The following KRT19 variants were observed in gnomAD, a reference collection of about 807,000 sequenced individuals.
The protein encoded by KRT19 is keratin 19, also known as keratin, type I cytoskeletal 19.
In KRT19, 21 loss-of-function variants were observed where a neutral mutation model predicts 34.6. That is an observed-to-expected ratio of 0.61 (90% CI 0.43 to 0.87). The LOEUF (loss-of-function observed/expected upper bound fraction) is 0.87. Among genes scored for constraint, KRT19 ranks in the 40% least tolerant of loss-of-function variants. The pLI is 0.00. For synonymous variants in KRT19, 240 were observed against 245.8 expected, an observed-to-expected ratio of 0.98 and a Z score of 0.22; for missense variants, 514 against 545.7, an observed-to-expected ratio of 0.94 and a Z score of 0.58.
chr17:41,524,310 C>T (rs373024107), intron 4 of KRT19, 42 bp from the exon 5 acceptor site: 1 of 1,611,636 alleles, frequency 6.2e-7, no homozygotes, highest in Non-Finnish European at 8.5e-7. Flanking sequence ...TTGAGTCAGA[C>T]CTTCGCGTAG....
At position 41,527,834 on chromosome 17, in the gene KRT19, C is replaced by T. The variant is rs1462592682; in HGVS notation, c.414G>A (p.Arg138=). 1.3e-6 allele frequency: 2 copies of T among 1,583,210 alleles called. No homozygotes were observed. The highest frequency in any genetic ancestry group is 1.7e-6 in the Non-Finnish European group (2 of 1,161,918). Residue 138 remains arginine (R), a synonymous_variant, in exon 1 of 6, where the codon CGG becomes CGA. Coordinates refer to ENST00000361566, the MANE Select transcript of KRT19 (RefSeq NM_002276.5). ...CGGCCGGGCCTCCGCCCACCTTGTC[C>T]CGCAGGTCCTGGATGGTCGTGTAGT... ...SHYYTTIQDL[R]DKILGATIEN...
rs1288758491 is a variant in KRT19 at position 41,523,733 on chromosome 17, G to T, written c.*10C>A. 1 of 1,613,020 alleles carries T rather than the reference G, an allele frequency of 6.2e-7. No homozygotes were observed. The highest frequency in any genetic ancestry group is 1.7e-5 in the Admixed American group (1 of 60,010). ...TCCAAAGGACAGCAGAAGCCCCAGAGCCTGCTGCCTCAGAGGACCTTGGAG... is the reference window on the plus strand; with the variant it reads ...TCCAAAGGACAGCAGAAGCCCCAGATCCTGCTGCCTCAGAGGACCTTGGAG... On this transcript the variant is annotated 3_prime_UTR_variant, in exon 6 of 6. Coordinates refer to ENST00000361566, the MANE Select transcript of KRT19 (RefSeq NM_002276.5).
At chr17:41,527,401 G>C (rs1279410695) in intron 1 of KRT19, among the ~76,000 whole-genome samples, 5 of 152,364 alleles carry the variant, frequency 3.3e-5, no homozygotes, top group Non-Finnish European at 5.9e-5. Context: ...GAGGGGGCAA[G>C]ACTGGCCCCG....
At chr17:41,524,606 T>C in intron 3 of KRT19, 66 bp from the exon 4 acceptor site, 1 of 1,555,334 alleles carries the variant, frequency 6.4e-7, no homozygotes, top group East Asian at 2.3e-5. Context: ...CCCAGGTCAC[T>C]TCCCCACCCT....
In KRT19 at chr17:41,527,811, G is replaced by A. The variant is rs1194293674; in HGVS notation, c.420+17C>T. ...CGGCAGGTGCACTGCACTTCCCGCG[G>A]CCGGGCCTCCGCCCACCTTGTCCCG... On this transcript the variant is annotated intron_variant, in intron 1 of 5. Coordinates refer to ENST00000361566, the MANE Select transcript of KRT19 (RefSeq NM_002276.5). 6.4e-7 allele frequency: 1 copy of A among 1,556,042 alleles called. No individual in the cohort carries two copies. Among genetic ancestry groups the A allele is most frequent in the East Asian group, 2.3e-5 (1 of 43,952 alleles).
At position 41,528,097 on chromosome 17, in the gene KRT19, G is replaced by A. The variant is rs1905935646; in HGVS notation, c.151C>T (p.Arg51Cys). The part of the protein sequence containing the change: ...GGRGVSVSSA[R>C]FVSSSSSGAY... ...CCCGAGGAGGACGAGGACACAAAGC[G>A]GGCGGAGGACACGGATACGCCGCGG... is the stretch of plus-strand genomic sequence containing the variant. Residue 51 changes from arginine (R) to cysteine (C), a missense_variant, in exon 1 of 6, where the codon CGC becomes TGC. Physicochemically the swap from Arg to Cys is radical, Grantham distance 180. Coordinates refer to ENST00000361566, the MANE Select transcript of KRT19 (RefSeq NM_002276.5). The A allele has an allele frequency of 1.9e-6, 3 of 1,609,738 alleles. No homozygotes were observed. Among genetic ancestry groups the A allele is most frequent in the Non-Finnish European group, 2.5e-6 (3 of 1,178,362 alleles).
At position 41,527,933 on chromosome 17, in the gene KRT19, G is replaced by C. The variant is rs1471538581; in HGVS notation, c.315C>G (p.Asn105Lys). ...CGCGGATCTTCACCTCTAGCTCGCCGTTGGCCGCCTCCAGGGCGCGCACCT... is the reference window on the plus strand; with the variant it reads ...CGCGGATCTTCACCTCTAGCTCGCCCTTGGCCGCCTCCAGGGCGCGCACCT... ...LDKVRALEAANGELEVKIRDW... is the reference protein window; with the variant it reads ...LDKVRALEAAKGELEVKIRDW... The change falls in exon 1 of 6, where the codon AAC (asparagine) becomes AAG (lysine). Residue 105 changes from asparagine to lysine, a missense_variant. Coordinates refer to ENST00000361566, the MANE Select transcript of KRT19 (RefSeq NM_002276.5). 9 of 1,613,778 alleles carry C rather than the reference G, an allele frequency of 5.6e-6. No individual in the cohort carries two copies. The Admixed American group carries it at 1.5e-4, about 27-fold the overall frequency.
chr17:41,524,344 T>G (rs1291136568), intron 4 of KRT19, 35 bp downstream of exon 4: 2 of 1,612,516 alleles, frequency 1.2e-6, no homozygotes, highest in Admixed American at 3.3e-5. Flanking sequence ...CTCCCCTTCC[T>G]AACCCCCAAA....
intron 5 of KRT19, 70 bp from the exon 6 acceptor site, chr17:41,524,067 C>A: frequency 6.3e-7 from 1 of 1,598,172 alleles, no homozygotes; most frequent in Non-Finnish European, 8.6e-7. Context: ...GCACAGCCAC[C>A]GGCCAGGCTG....
intron 3 of KRT19, 91 bp downstream of exon 3, chr17:41,524,752 G>C: frequency 1.4e-6 from 2 of 1,463,976 alleles, no homozygotes; most frequent in South Asian, 2.4e-5. Context: ...GGTGCACCAA[G>C]TGTTACCACG....
Position 41,525,235 on chromosome 17 carries a change from C to T in KRT19, c.459G>A (p.Leu153=), listed in dbSNP as rs768098750. The T allele has an allele frequency of 5.6e-6, 9 of 1,613,886 alleles. No homozygotes were observed. Residue 153 remains leucine, a synonymous_variant, in exon 2 of 6, where the codon CTG becomes CTA. Coordinates refer to ENST00000361566, the MANE Select transcript of KRT19 (RefSeq NM_002276.5). ...CAGCCAGACGGGCATTGTCGATCTG[C>T]AGGACAATCCTGGAGTTCTCAATGG... ...GATIENSRIV[L]QIDNARLAAD... is the part of the protein sequence containing the mutation.
In KRT19 at chr17:41,524,142, C is replaced by T. The variant is rs879168262; in HGVS notation, c.948+1G>A. The T allele has an allele frequency of 6.2e-7, 1 of 1,613,274 alleles. No individual in the cohort carries two copies. The highest frequency in any genetic ancestry group is 1.3e-5 in the African/African-American group (1 of 74,984). ...AGCGGCGGCGGTGGGGGGACACATA[C>T]CATGCTCAGCTGTGACTGCAGCTCA... On this transcript the variant is annotated splice_donor_variant, in intron 5 of 5. Coordinates refer to ENST00000361566, the MANE Select transcript of KRT19 (RefSeq NM_002276.5). LOFTEE classifies it high-confidence loss of function.
At position 41,523,935 on chromosome 17, in the gene KRT19, A is replaced by G; in HGVS notation, c.1011T>C (p.His337=). Reference sequence around the variant, plus strand: ...CAATACCGCTGATCAGCGCCTGGATATGCGCCAGCTGGGCTCCAAAGCGCG... The same window carrying G: ...CAATACCGCTGATCAGCGCCTGGATGTGCGCCAGCTGGGCTCCAAAGCGCG... ...TEARFGAQLA[H]IQALISGIEA... is the part of the protein sequence containing the mutation. Residue 337 remains histidine (H), a synonymous_variant, in exon 6 of 6, where the codon CAT becomes CAC. Transcript: ENST00000361566. 1 of 1,613,822 alleles carries G rather than the reference A, an allele frequency of 6.2e-7. No homozygotes were observed. The highest frequency in any genetic ancestry group is 8.5e-7 in the Non-Finnish European group (1 of 1,179,836).
Position 41,528,084 on chromosome 17 carries a change from G to A in KRT19, c.164C>T (p.Ser55Leu), listed in dbSNP as rs746737430. Residue 55 changes from serine to leucine, a missense_variant, in exon 1 of 6, where the codon TCG (serine) becomes TTG (leucine). Physicochemically the swap from Ser to Leu is moderately radical, Grantham distance 145. Transcript: ENST00000361566. Reference sequence around the variant, plus strand: ...GCCGCCGTAGGCCCCCGAGGAGGACGAGGACACAAAGCGGGCGGAGGACAC... The same window carrying A: ...GCCGCCGTAGGCCCCCGAGGAGGACAAGGACACAAAGCGGGCGGAGGACAC... The part of the protein sequence containing the change: ...VSVSSARFVS[S>L]SSSGAYGGGY... The A allele has an allele frequency of 3.1e-6, 5 of 1,610,144 alleles. No homozygotes were observed. Among genetic ancestry groups the A allele is most frequent in the African/African-American group, 2.7e-5 (2 of 74,878 alleles).
At position 41,524,407 on chromosome 17, in the gene KRT19, T is replaced by C. The variant is rs1269202492; in HGVS notation, c.794A>G (p.Lys265Arg). Reference sequence around the variant, plus strand: ...GCTGGTGAACCAGGCTTCAGCATCCTTCCGGTTCTGCTCGGCCATGACCTC... The same window carrying C: ...GCTGGTGAACCAGGCTTCAGCATCCCTCCGGTTCTGCTCGGCCATGACCTC... ...QYEVMAEQNR[K>R]DAEAWFTSRT... Residue 265 changes from lysine to arginine, a missense_variant, in exon 4 of 6, where the codon AAG (lysine) becomes AGG (arginine). Physicochemically the swap from Lys to Arg is conservative, Grantham distance 26. Coordinates refer to ENST00000361566, the MANE Select transcript of KRT19 (RefSeq NM_002276.5). 4.3e-6 allele frequency: 7 copies of C among 1,614,124 alleles called. No homozygotes were observed. In the African/African-American group the frequency reaches 9.3e-5, roughly 22 times the overall value.
intron 1 of KRT19, 91 bp from the exon 2 acceptor site, chr17:41,525,364 T>G: frequency 1.0e-6 from 1 of 963,160 alleles, no homozygotes; most frequent in African/African-American, 1.6e-5. Context: ...AGCAAATGAA[T>G]ATACCCCGGC....
At chr17:41,526,912 T>C (rs1201620048) in intron 1 of KRT19, among the ~76,000 whole-genome samples, 1 of 152,162 alleles carries the variant, frequency 6.6e-6, no homozygotes, top group Non-Finnish European at 1.5e-5. Context: ...AAGCACTGTT[T>C]TTGTTGGCTG....
chr17:41,524,076 T>C, intron 5 of KRT19, 67 bp downstream of exon 5: 1 of 1,598,152 alleles, frequency 6.3e-7, no homozygotes, highest in African/African-American at 1.3e-5. Context: ...CCGGCCAGGC[T>C]GCCCTAGGCT....
Position 41,524,943 on chromosome 17 carries a change from C to T in KRT19, c.560G>A (p.Arg187His), listed in dbSNP as rs117671585. The change falls in exon 3 of 6, where the codon CGC (arginine) becomes CAC (histidine). Residue 187 changes from arginine (R) to histidine (H), a missense_variant. Arg to His is a conservative substitution (Grantham distance 29, BLOSUM62 0). Coordinates refer to ENST00000361566, the MANE Select transcript of KRT19 (RefSeq NM_002276.5). Reference protein sequence around the residue: ...MSVEADINGLRRVLDELTLAR... With the variant: ...MSVEADINGLHRVLDELTLAR... ...CAGGGTCAGCTCATCCAGCACCCTGCGCAGGCCGTTGATGTCGGCCTCCAC... is the reference window on the plus strand; with the variant it reads ...CAGGGTCAGCTCATCCAGCACCCTGTGCAGGCCGTTGATGTCGGCCTCCAC... The T allele has an allele frequency of 3.0e-3, 4,838 of 1,614,170 alleles. 9 individuals are homozygous for T. The highest frequency in any genetic ancestry group is 3.5e-3 in the Non-Finnish European group (4,188 of 1,179,976).
Sources: allele counts gnomAD v4.1 joint callset (sites outside exome capture counted in the v4.1 genomes callset), GRCh38; gene constraint gnomAD v4.1.1; transcripts MANE v1.5; gene names NCBI Gene and HGNC (gene_info 2026-07-23, HGNC 2026-07-21).